Variants in RASEF observed in about 807,000 individuals in gnomAD.
RASEF encodes the protein RAS and EF-hand domain containing.
Under a neutral mutation model 90.1 loss-of-function variants are expected in RASEF, and 68 were observed. That is an observed-to-expected ratio of 0.75 (90% CI 0.62 to 0.92). The LOEUF is 0.92. RASEF is among the 40% of genes least tolerant of loss of function. The pLI is 0.00. For synonymous variants in RASEF, 331 were observed against 345.2 expected, an observed-to-expected ratio of 0.96 and a Z score of 0.46; for missense variants, 949 against 937.2, an observed-to-expected ratio of 1.01 and a Z score of -0.16.
At chr9:83,147,660 A>G in the RASEF span, among the ~76,000 whole-genome samples, 1 of 152,142 alleles carries the variant, frequency 6.6e-6, no homozygotes, top group South Asian at 2.1e-4. Context: ...TAGCTCTGCC[A>G]TCTACAGACA....
At chr9:83,063,377 C>G (rs1040832080), upstream of RASEF, among the ~76,000 whole-genome samples, 1 of 152,310 alleles carries the variant, frequency 6.6e-6, no homozygotes, top group South Asian at 2.1e-4. Context: ...CTCCACAGAA[C>G]GTGCTGGCGC....
chr9:82,983,966 A>T lies in RASEF; in HGVS notation c.2118-1184T>A, dbSNP rs193020567. 3.7e-3 allele frequency among the ~76,000 whole-genome samples: 557 copies of T among 152,320 alleles called. 7 individuals are homozygous for T. Among genetic ancestry groups the T allele is most frequent in the African/African-American group, 0.013 (527 of 41,564 alleles). Reference sequence around the variant, plus strand: ...AAGCAGTCAAGAAACTTTCCGGCTGACATCCAGCCACCTCTGCCAACTGTG... The same window carrying T: ...AAGCAGTCAAGAAACTTTCCGGCTGTCATCCAGCCACCTCTGCCAACTGTG... On this transcript the variant is annotated intron_variant, in intron 16 of 16. Transcript: ENST00000376447.
chr9:83,062,488 G>T lies in RASEF; in HGVS notation c.380C>A (p.Ala127Asp), dbSNP rs1276079532. 6.2e-7 allele frequency: 1 copy of T among 1,612,264 alleles called. No individual in the cohort carries two copies. The highest frequency in any genetic ancestry group is 1.7e-5 in the Admixed American group (1 of 59,976). ...TSCGPASPGR[A>D]WQDFQARLGD... ...AAGTCGCGCCTGGAAATCCTGCCAA[G>T]CCCGGCCGGGACTCGCCGGGCCGCA... Residue 127 changes from alanine (A) to aspartate (D), a missense_variant, in exon 1 of 17, where the codon GCT (alanine) becomes GAT (aspartate). By Grantham distance (126) the Ala-to-Asp change is moderately radical (BLOSUM62 -2). Around this residue, in one of 3 missense-constraint regions of RASEF, gnomAD observed 656 missense variants for 592.2 expected, o/e 1.11. Transcript: ENST00000376447.
At chr9:83,216,013 G>T in the RASEF span, among the ~76,000 whole-genome samples, 5 of 152,308 alleles carry the variant, frequency 3.3e-5, no homozygotes, top group African/African-American at 4.8e-5. Flanking sequence ...GCAGCATTTT[G>T]CCCCTGCCCC....
chr9:83,183,933 A>G, the RASEF span, among the ~76,000 whole-genome samples: 1 of 152,164 alleles, frequency 6.6e-6, no homozygotes, highest in East Asian at 1.9e-4. Flanking sequence ...GGTTTGTTAA[A>G]ACTCAGATGG....
chr9:83,017,483 G>A (rs1405812609), intron 3 of RASEF, among the ~76,000 whole-genome samples: 3 of 148,026 alleles, frequency 2.0e-5, no homozygotes, highest in Non-Finnish European at 4.5e-5. Context: ...CTGGGCGACA[G>A]AGCGAGACTC....
At chr9:82,988,713 C>G (rs981157381) in intron 16 of RASEF, among the ~76,000 whole-genome samples, 1 of 152,040 alleles carries the variant, frequency 6.6e-6, no homozygotes, top group Non-Finnish European at 1.5e-5. Flanking sequence ...GCTGGCTCCC[C>G]GTCACCTTCC....
At chr9:83,180,405 ACAG>A in the RASEF span, among the ~76,000 whole-genome samples, 1 of 152,246 alleles carries the variant, frequency 6.6e-6, no homozygotes, top group East Asian at 1.9e-4. Context: ...CAGAAAAATC[ACAG>A]CAGTTTTATT....
At chr9:83,141,945 A>G in the RASEF span, among the ~76,000 whole-genome samples, 1 of 152,204 alleles carries the variant, frequency 6.6e-6, no homozygotes, top group Non-Finnish European at 1.5e-5. Flanking sequence ...TACACTTACC[A>G]TGGGTACATT....
At chr9:83,059,555 G>A (rs1383870505) in intron 1 of RASEF, among the ~76,000 whole-genome samples, 1 of 152,100 alleles carries the variant, frequency 6.6e-6, no homozygotes, top group Admixed American at 6.5e-5. Context: ...CAATGACCCA[G>A]GCATCAGAAA....
the RASEF span, among the ~76,000 whole-genome samples, chr9:83,153,505 A>G: frequency 1.3e-5 from 2 of 152,222 alleles, no homozygotes; most frequent in African/African-American, 4.8e-5. Flanking sequence ...ATCTACATCA[A>G]TAGAAAGTTA....
Position 83,043,402 on chromosome 9 carries a change from G to GGC in RASEF, c.432-17482_432-17481insGC, listed in dbSNP as rs1034041122. ...AAAGAGGGGTCTGCAGTGATTGGGGGGGGGGACCCTGGGCTTCTGCAATGT... is the reference window on the plus strand; with the variant it reads ...AAAGAGGGGTCTGCAGTGATTGGGGGGCGGGGGACCCTGGGCTTCTGCAATGT... On this transcript the variant is annotated intron_variant, in intron 1 of 16. Transcript: ENST00000376447. 7.9e-5 allele frequency among the ~76,000 whole-genome samples: 12 copies of GGC among 151,508 alleles called. 1 individual carries two copies. The highest frequency in any genetic ancestry group is 2.9e-4 in the African/African-American group (12 of 40,862).
chr9:83,135,125 T>C, the RASEF span, among the ~76,000 whole-genome samples: 1 of 152,080 alleles, frequency 6.6e-6, no homozygotes, highest in Non-Finnish European at 1.5e-5. Context: ...GGTACAGGAT[T>C]TCTTTGGGGT....
intron 13 of RASEF, among the ~76,000 whole-genome samples, chr9:82,997,598 TG>T (rs1828945804): frequency 6.6e-6 from 1 of 152,174 alleles, no homozygotes; most frequent in Admixed American, 6.5e-5. Flanking sequence ...TTTACATACA[TG>T]GGGGTCAGGA....
At chr9:83,151,716 A>C in the RASEF span, among the ~76,000 whole-genome samples, 1 of 152,188 alleles carries the variant, frequency 6.6e-6, no homozygotes, top group African/African-American at 2.4e-5. Flanking sequence ...CATTTTAAGA[A>C]GACATCATCC....
rs2118479844 is a variant in RASEF, at chr9:83,007,300, AC to A, written c.1028+136del. On this transcript the variant is annotated intron_variant, in intron 7 of 16. Coordinates refer to ENST00000376447, the MANE Select transcript of RASEF (RefSeq NM_152573.4). ...AGCTAAGAGGAGATGCCAAGTGCAC[AC>A]CCTGAGAAGAAACACCCACTGACCT... 4.3e-6 allele frequency: 3 copies of A among 696,424 alleles called. No individual in the cohort carries two copies. In the South Asian group the frequency reaches 5.0e-5, roughly 12 times the overall value. 43.1% of individuals were successfully genotyped at this position (696,424 alleles called of 1,614,324 possible). A position where few individuals can be genotyped will look rare whatever the true frequency, so the allele number is the denominator to read the frequency against.
the RASEF span, among the ~76,000 whole-genome samples, chr9:83,095,076 T>A: frequency 6.6e-6 from 1 of 152,114 alleles, no homozygotes. Context: ...GGTTTGAGAA[T>A]TTAAAAGGAG....
At chr9:83,094,042 C>G in the RASEF span, among the ~76,000 whole-genome samples, 2 of 152,094 alleles carry the variant, frequency 1.3e-5, no homozygotes, top group Admixed American at 6.5e-5. Flanking sequence ...TATTATAAAT[C>G]TCTATTCAGA....
At chr9:83,154,968 A>G in the RASEF span, among the ~76,000 whole-genome samples, 2 of 152,216 alleles carry the variant, frequency 1.3e-5, no homozygotes, top group Non-Finnish European at 2.9e-5. Flanking sequence ...GAGGTAGCAA[A>G]GTCTAGCCTC....
Sources: allele counts gnomAD v4.1 joint callset (sites outside exome capture counted in the v4.1 genomes callset), GRCh38; gene constraint gnomAD v4.1.1; regional missense constraint gnomAD v4.1.1; transcripts MANE v1.5; gene names NCBI Gene and HGNC (gene_info 2026-07-23, HGNC 2026-07-21).